The following SP4 variants were observed in gnomAD, a reference collection of about 807,000 sequenced individuals.
SP4 encodes Sp4 transcription factor.
Under a neutral mutation model 72.8 loss-of-function variants are expected in SP4, and 19 were observed. The observed-to-expected ratio is 0.26, with a 90% CI of 0.18 to 0.38. The LOEUF (loss-of-function observed/expected upper bound fraction) is 0.38, where lower values mean the gene tolerates loss of function less well. Among genes scored for constraint, SP4 ranks in the 10% least tolerant of loss-of-function variants. The pLI, the probability that SP4 is intolerant of heterozygous loss-of-function variation, is 1.00. For missense variants in SP4, 1,008 were observed against 926.3 expected (o/e 1.09, Z -1.14); for synonymous variants, 395 against 333.1 (o/e 1.19, Z -2.02).
intron 3 of SP4, among the ~76,000 whole-genome samples, chr7:21,440,080 T>C (rs1783192486): frequency 1.3e-5 from 2 of 152,238 alleles, no homozygotes; most frequent in African/African-American, 4.8e-5. Flanking sequence ...TTATTATTCG[T>C]GCAGACCACA....
At chr7:21,504,499 C>T (rs1317316557) in intron 5 of SP4, among the ~76,000 whole-genome samples, 2 of 152,104 alleles carry the variant, frequency 1.3e-5, no homozygotes, top group African/African-American at 2.4e-5. Context: ...TGCCATCTCT[C>T]GTTCGTCACA....
chr7:21,496,776 G>T (rs970663570), intron 5 of SP4, among the ~76,000 whole-genome samples: 7 of 152,022 alleles, frequency 4.6e-5, no homozygotes, highest in African/African-American at 1.7e-4. Context: ...TGTGCTGAAA[G>T]GTTCTGTGTG....
intron 3 of SP4, among the ~76,000 whole-genome samples, chr7:21,453,222 C>A (rs2128399356): frequency 6.6e-6 from 1 of 152,282 alleles, no homozygotes; most frequent in South Asian, 2.1e-4. Context: ...TCCTGTTCTG[C>A]TTTATATTCA....
At chr7:21,457,300 A>C (rs1783797872) in intron 3 of SP4, among the ~76,000 whole-genome samples, 1 of 152,112 alleles carries the variant, frequency 6.6e-6, no homozygotes, top group South Asian at 2.1e-4. Flanking sequence ...TATTGCCCCA[A>C]CTTTCAGCTT....
intron 3 of SP4, among the ~76,000 whole-genome samples, chr7:21,458,998 C>T (rs1219102476): frequency 2.6e-5 from 4 of 152,154 alleles, no homozygotes; most frequent in African/African-American, 9.7e-5. Context: ...AAGCTATGAC[C>T]CTAACAACTG....
intron 3 of SP4, among the ~76,000 whole-genome samples, chr7:21,432,035 A>G (rs957109605): frequency 1.3e-5 from 2 of 152,242 alleles, no homozygotes; most frequent in Non-Finnish European, 2.9e-5. Flanking sequence ...GGCCAGCGCT[A>G]TCCAGCAGAA....
chr7:21,440,576 G>T (rs1356700253), intron 3 of SP4, among the ~76,000 whole-genome samples: 1 of 152,140 alleles, frequency 6.6e-6, no homozygotes, highest in South Asian at 2.1e-4. Flanking sequence ...GTGGCCAGGC[G>T]TGGTGGTTCA....
At chr7:21,493,047 A>G (rs998890031) in intron 5 of SP4, among the ~76,000 whole-genome samples, 2 of 152,166 alleles carry the variant, frequency 1.3e-5, no homozygotes, top group Non-Finnish European at 2.9e-5. Flanking sequence ...TAAAAATACA[A>G]AAATTAGCTA....
At chr7:21,449,193 C>A (rs1783515170) in intron 3 of SP4, among the ~76,000 whole-genome samples, 1 of 152,162 alleles carries the variant, frequency 6.6e-6, no homozygotes. Context: ...ACTAGCCAAC[C>A]CTAAGCCTGT....
chr7:21,452,027 T>C (rs915882783), intron 3 of SP4, among the ~76,000 whole-genome samples: 1 of 152,206 alleles, frequency 6.6e-6, no homozygotes, highest in African/African-American at 2.4e-5. Flanking sequence ...TTATTTCTTC[T>C]GAGCTGTAGC....
chr7:21,434,549 T>C (rs911919541), intron 3 of SP4, among the ~76,000 whole-genome samples: 1 of 152,202 alleles, frequency 6.6e-6, no homozygotes, highest in East Asian at 1.9e-4. Context: ...ATGTGTATGC[T>C]CTGCATACTT....
intron 3 of SP4, among the ~76,000 whole-genome samples, chr7:21,434,947 A>G (rs1460853432): frequency 6.6e-6 from 1 of 152,092 alleles, no homozygotes; most frequent in Non-Finnish European, 1.5e-5. Flanking sequence ...CCTTTATTTT[A>G]ACTAAGTGAG....
chr7:21,495,754 CAA>C (rs1476410004), intron 5 of SP4, among the ~76,000 whole-genome samples: 2 of 152,024 alleles, frequency 1.3e-5, no homozygotes, highest in Non-Finnish European at 2.9e-5. Context: ...AGTATTTACC[CAA>C]GAGAAGTAAG....
chr7:21,486,433 C>T (rs1784813339), intron 5 of SP4, among the ~76,000 whole-genome samples: 1 of 152,114 alleles, frequency 6.6e-6, no homozygotes, highest in South Asian at 2.1e-4. Context: ...GAATAACACA[C>T]TGCATTTGTT....
At chr7:21,453,219 C>A (rs1004942093) in intron 3 of SP4, among the ~76,000 whole-genome samples, 5 of 152,210 alleles carry the variant, frequency 3.3e-5, no homozygotes, top group African/African-American at 1.2e-4. Flanking sequence ...AACTCCTGTT[C>A]TGCTTTATAT....
chr7:21,432,579 CTT>C (rs1782899985), intron 3 of SP4, among the ~76,000 whole-genome samples: 1 of 152,222 alleles, frequency 6.6e-6, no homozygotes, highest in African/African-American at 2.4e-5. Flanking sequence ...GCCAACCAAA[CTT>C]AGATTAACTT....
intron 5 of SP4, among the ~76,000 whole-genome samples, chr7:21,499,846 C>T (rs1381801016): frequency 6.6e-6 from 1 of 152,042 alleles, no homozygotes; most frequent in East Asian, 1.9e-4. Flanking sequence ...TTGAGAGTAG[C>T]AATTTGAAAA....
intron 3 of SP4, among the ~76,000 whole-genome samples, chr7:21,436,324 C>T (rs759685580): frequency 2.6e-5 from 4 of 152,138 alleles, no homozygotes; most frequent in African/African-American, 9.7e-5. Context: ...TGAAAGCACT[C>T]ACAGCTCTAA....
At position 21,482,128 on chromosome 7, in the gene SP4, G is replaced by T. The variant is rs1458701684; in HGVS notation, c.2107+5G>T. ...GACATAGAAGAACCCATACAGGTTA[G>T]TTGATTTTAGGACTTGTACTTTTTA... On this transcript the variant is annotated splice_donor_5th_base_variant and intron_variant, in intron 5 of 5. Coordinates refer to ENST00000222584, the MANE Select transcript of SP4 (RefSeq NM_003112.5). 6.2e-7 allele frequency: 1 copy of T among 1,608,522 alleles called. No homozygotes were observed. Among genetic ancestry groups the T allele is most frequent in the Non-Finnish European group, 8.5e-7 (1 of 1,175,830 alleles).
Sources: gnomAD v4.1 joint callset for allele counts (sites outside exome capture counted in the v4.1 genomes callset) on GRCh38, gnomAD v4.1.1 for gene constraint, MANE v1.5 for transcripts, NCBI Gene and HGNC (gene_info 2026-07-23, HGNC 2026-07-21) for gene names.